The following DLG5 variants were observed in gnomAD, a reference collection of about 807,000 sequenced individuals.
DLG5 encodes disks large homolog 5.
In DLG5, 48 loss-of-function variants were observed where a neutral mutation model predicts 189.8. The observed-to-expected ratio is 0.25, with a 90% CI of 0.20 to 0.32. The LOEUF (loss-of-function observed/expected upper bound fraction) is 0.32. Ranked by LOEUF, DLG5 falls within the 10% of genes least tolerant of loss-of-function variation. DLG5 has a pLI of 1.00. For missense variants in DLG5, 2,160 were observed against 2,544.7 expected, an observed-to-expected ratio of 0.85 and a Z score of 3.25; for synonymous variants, 1,016 against 1,054.1, an observed-to-expected ratio of 0.96 and a Z score of 0.70.
At chr10:77,851,495 C>T (rs190128381) in intron 5 of DLG5, among the ~76,000 whole-genome samples, 30 of 152,296 alleles carry the variant, frequency 2.0e-4, no homozygotes, top group Non-Finnish European at 3.2e-4. Context: ...GCAGCAGGTG[C>T]GAGAAGGGAC....
chr10:77,933,175 T>A, the DLG5 span, among the ~76,000 whole-genome samples: 1 of 152,336 alleles, frequency 6.6e-6, no homozygotes, highest in East Asian at 1.9e-4. Context: ...GAAAAGGGTT[T>A]GGTGTCTCTG....
At chr10:77,849,184 G>A (rs1843839240) in intron 5 of DLG5, among the ~76,000 whole-genome samples, 1 of 152,234 alleles carries the variant, frequency 6.6e-6, no homozygotes, top group Admixed American at 6.5e-5. Flanking sequence ...ATCATGCAGA[G>A]GGCCGGGAAG....
At chr10:77,856,227 C>G (rs1044600858) in intron 3 of DLG5, among the ~76,000 whole-genome samples, 1 of 152,004 alleles carries the variant, frequency 6.6e-6, no homozygotes, top group Non-Finnish European at 1.5e-5. Flanking sequence ...TGGCACACAC[C>G]TATAGTCCCA....
chr10:77,904,676 A>G (rs1365624156), intron 1 of DLG5, among the ~76,000 whole-genome samples: 4 of 150,538 alleles, frequency 2.7e-5, no homozygotes, highest in Non-Finnish European at 5.9e-5. Flanking sequence ...TTGCTGCCAC[A>G]TTGTAAGCAG....
At chr10:77,856,446 T>C (rs1844229867) in intron 3 of DLG5, among the ~76,000 whole-genome samples, 1 of 114,046 alleles carries the variant, frequency 8.8e-6, no homozygotes, top group South Asian at 2.8e-4. Flanking sequence ...TAGGAGACAG[T>C]GGTAGGGACA....
intron 5 of DLG5, among the ~76,000 whole-genome samples, chr10:77,850,846 G>C (rs1021897222): frequency 3.3e-5 from 5 of 152,308 alleles, no homozygotes; most frequent in Admixed American, 2.6e-4. Flanking sequence ...TGCCAACCTC[G>C]TGCTTTCTAG....
chr10:77,910,523 T>G lies in DLG5; in HGVS notation c.304+15694A>C, dbSNP rs909079777. The stretch of plus-strand genomic sequence containing the variant: ...AATGTCAGGAAAAACTAGCCACGGA[T>G]CTGAGACTTCCCACCCAGCCTGCTC... On this transcript the variant is annotated intron_variant, in intron 1 of 31. Transcript: ENST00000372391. Among the ~76,000 whole-genome samples the G allele has an allele frequency of 6.6e-5, 10 of 152,068 alleles. No homozygotes were observed. The South Asian group carries it at 8.3e-4, about 13-fold the overall frequency.
chr10:77,805,255 C>G (rs1347513866), intron 27 of DLG5, among the ~76,000 whole-genome samples: 2 of 152,240 alleles, frequency 1.3e-5, no homozygotes, highest in Admixed American at 1.3e-4. Context: ...AACGTGTGAG[C>G]CACTGTGCCT....
chr10:77,846,534 TA>T (rs1009490017), intron 5 of DLG5, among the ~76,000 whole-genome samples: 1 of 151,630 alleles, frequency 6.6e-6, no homozygotes, highest in African/African-American at 2.4e-5. Context: ...CTGTCTCTAC[TA>T]AAAATACAAA....
At chr10:77,849,469 C>T (rs1169828865) in intron 5 of DLG5, among the ~76,000 whole-genome samples, 10 of 152,240 alleles carry the variant, frequency 6.6e-5, no homozygotes, top group Admixed American at 2.6e-4. Flanking sequence ...TGCCAGGACG[C>T]GGGGCTGGTC....
chr10:77,807,304 A>G (rs1391034514), intron 25 of DLG5, among the ~76,000 whole-genome samples: 1 of 152,192 alleles, frequency 6.6e-6, no homozygotes, highest in Non-Finnish European at 1.5e-5. Flanking sequence ...CCCTAGAGAC[A>G]GGGAGTTGTA....
the DLG5 span, among the ~76,000 whole-genome samples, chr10:77,933,543 C>G: frequency 6.6e-6 from 1 of 152,142 alleles, no homozygotes; most frequent in Non-Finnish European, 1.5e-5. Flanking sequence ...ATCCACCCCA[C>G]TCAGCCTCCC....
chr10:77,903,630 CAAAAAAA>C (rs574454210), intron 1 of DLG5, among the ~76,000 whole-genome samples: 8 of 58,716 alleles, frequency 1.4e-4, no homozygotes, highest in Admixed American at 6.1e-4. Flanking sequence ...AACTCCATCT[CAAAAAAA>C]AAAAAAAAAA....
Position 77,816,646 on chromosome 10 carries a change from G to A in DLG5, c.3930C>T (p.Asp1310=), listed in dbSNP as rs766668081. ...STPPQSPLNI[D]TLSSCSQSQT... ...GGGACTGGCTACAAGAGGACAGGGT[G>A]TCGATGTTCAGGGGTGACTGTGGAG... The change falls in exon 20 of 32, where the codon GAC becomes GAT. Residue 1310 remains aspartate (D), a synonymous_variant. Coordinates refer to ENST00000372391, the MANE Select transcript of DLG5 (RefSeq NM_004747.4). The A allele has an allele frequency of 6.2e-7, 1 of 1,614,122 alleles. No homozygotes were observed. The highest frequency in any genetic ancestry group is 8.5e-7 in the Non-Finnish European group (1 of 1,180,000).
At chr10:77,940,257 C>A in the DLG5 span, among the ~76,000 whole-genome samples, 48 of 152,284 alleles carry the variant, frequency 3.2e-4, no homozygotes, top group African/African-American at 1.2e-3. Flanking sequence ...TCCCCTTTTC[C>A]CACCACAAAG....
chr10:77,924,627 T>A (rs1846631685), intron 1 of DLG5, among the ~76,000 whole-genome samples: 1 of 152,224 alleles, frequency 6.6e-6, no homozygotes, highest in Admixed American at 6.5e-5. Flanking sequence ...ATCCCCTCTG[T>A]CCTTATCCTC....
chr10:77,851,769 C>T (rs1843987831), intron 5 of DLG5, among the ~76,000 whole-genome samples: 2 of 152,202 alleles, frequency 1.3e-5, no homozygotes, highest in Non-Finnish European at 2.9e-5. Flanking sequence ...GCAAGTTTTT[C>T]AATGGAATAC....
intron 19 of DLG5, 122 bp from the exon 20 acceptor site, chr10:77,816,823 G>C: frequency 1.4e-6 from 2 of 1,429,556 alleles, no homozygotes; most frequent in South Asian, 1.3e-5. Context: ...ATAGTCTGGA[G>C]CTCAGATGCT....
chr10:77,883,900 T>C (rs921566722), intron 1 of DLG5, among the ~76,000 whole-genome samples: 8 of 152,106 alleles, frequency 5.3e-5, no homozygotes, highest in African/African-American at 1.2e-4. Flanking sequence ...TGTTTTGCCA[T>C]GTAGGCCAGG....
Sources: gnomAD v4.1 joint callset for allele counts (sites outside exome capture counted in the v4.1 genomes callset) on GRCh38, gnomAD v4.1.1 for gene constraint, MANE v1.5 for transcripts, NCBI Gene and HGNC (gene_info 2026-07-23, HGNC 2026-07-21) for gene names.